Variants in TMEM185A observed in about 807,000 individuals in gnomAD.
TMEM185A encodes the protein transmembrane protein 185A.
Under a neutral mutation model 25.0 loss-of-function variants are expected in TMEM185A, and 9 were observed. That is an observed-to-expected ratio of 0.36 (90% CI 0.22 to 0.63). TMEM185A has a LOEUF of 0.63. Ranked by LOEUF, TMEM185A falls within the 20% of genes least tolerant of loss-of-function variation. The probability of loss-of-function intolerance (pLI) is 0.68; values close to 1 mark genes in which losing one functional copy is unlikely to be tolerated. For missense variants in TMEM185A, 103 were observed against 237.4 expected, an observed-to-expected ratio of 0.43 and a Z score of 3.72; for synonymous variants, 45 against 93.5, an observed-to-expected ratio of 0.48 and a Z score of 2.99.
intron 1 of TMEM185A, among the ~76,000 whole-genome samples, chrX:149,627,704 C>T (rs1306225870): frequency 4.5e-5 from 5 of 112,042 alleles, no homozygotes; most frequent in Non-Finnish European, 7.5e-5. Flanking sequence ...CACTGTAATG[C>T]CTCATACTCT....
At chrX:149,621,231 T>C (rs1602880028) in intron 1 of TMEM185A, among the ~76,000 whole-genome samples, 1 of 105,386 alleles carries the variant, frequency 9.5e-6, no homozygotes, top group Non-Finnish European at 1.9e-5. Context: ...TGGGGGGGGG[T>C]GGTAAATGCT....
At chrX:149,631,145 G>C (rs1042950275) in intron 1 of TMEM185A, among the ~76,000 whole-genome samples, 1 of 110,522 alleles carries the variant, frequency 9.0e-6, no homozygotes, top group Non-Finnish European at 1.9e-5. Flanking sequence ...GGTGGGGGTA[G>C]GGGTGTTGGG....
At chrX:149,629,725 G>A (rs2090181728) in intron 1 of TMEM185A, among the ~76,000 whole-genome samples, 2 of 111,602 alleles carry the variant, frequency 1.8e-5, no homozygotes, top group South Asian at 7.5e-4. Context: ...ATTTTTTTGG[G>A]GGGAAAAGGG....
chrX:149,627,846 T>C (rs1557356207), intron 1 of TMEM185A, among the ~76,000 whole-genome samples: 1 of 112,501 alleles, frequency 8.9e-6, no homozygotes, highest in African/African-American at 3.2e-5. Flanking sequence ...AATCTAGATG[T>C]TTGAGGAATC....
chrX:149,622,686 C>T (rs949943909), intron 1 of TMEM185A, among the ~76,000 whole-genome samples: 3 of 111,153 alleles, frequency 2.7e-5, no homozygotes, highest in Admixed American at 1.9e-4. Flanking sequence ...AGCAACAATG[C>T]GTTCGCTCAA....
chrX:149,618,213 CTT>C (rs2090120530), intron 1 of TMEM185A, among the ~76,000 whole-genome samples: 1 of 111,595 alleles, frequency 9.0e-6, no homozygotes, highest in South Asian at 3.8e-4. Context: ...TAAGGATAGT[CTT>C]TATACTCTTT....
At chrX:149,628,675 G>A (rs1264328795) in intron 1 of TMEM185A, among the ~76,000 whole-genome samples, 1 of 111,758 alleles carries the variant, frequency 8.9e-6, no homozygotes, top group African/African-American at 3.3e-5. Flanking sequence ...CATGCCTTGG[G>A]ACCCACCAAA....
intron 1 of TMEM185A, among the ~76,000 whole-genome samples, chrX:149,626,108 T>C (rs1557355990): frequency 1.8e-5 from 2 of 112,593 alleles, no homozygotes; most frequent in South Asian, 7.4e-4. Flanking sequence ...ATAAGGCTGA[T>C]ACCTAATTTT....
At chrX:149,627,530 G>A (rs1034918260) in intron 1 of TMEM185A, among the ~76,000 whole-genome samples, 6 of 111,843 alleles carry the variant, frequency 5.4e-5, no homozygotes, top group Non-Finnish European at 1.1e-4. Context: ...CCTACTCTCT[G>A]GTCTGATGAC....
intron 2 of TMEM185A, 106 bp from the exon 3 acceptor site, chrX:149,608,940 G>T (rs1212507639): frequency 2.7e-6 from 2 of 744,936 alleles, no homozygotes; most frequent in African/African-American, 2.2e-5. Flanking sequence ...AATTTTACTT[G>T]AAAATTTGAC....
chrX:149,607,588 T>C (rs192004479), intron 3 of TMEM185A, among the ~76,000 whole-genome samples: 200 of 113,052 alleles, frequency 1.8e-3, no homozygotes, highest in Non-Finnish European at 3.1e-3. Context: ...ATTACTTTCA[T>C]TACTATTATT....
intron 4 of TMEM185A, among the ~76,000 whole-genome samples, chrX:149,603,054 C>A (rs1402929094): frequency 1.4e-4 from 16 of 111,927 alleles, no homozygotes; most frequent in African/African-American, 5.2e-4. Context: ...ACTAGCATGA[C>A]CTTACCTCCC....
chrX:149,619,332 T>C (rs782194806), intron 1 of TMEM185A, among the ~76,000 whole-genome samples: 49 of 111,965 alleles, frequency 4.4e-4, no homozygotes, highest in African/African-American at 1.6e-3. Flanking sequence ...AAGCTCATGG[T>C]AGCAGATACA....
intron 1 of TMEM185A, among the ~76,000 whole-genome samples, chrX:149,624,061 T>C (rs1015245607): frequency 1.8e-5 from 2 of 112,799 alleles, no homozygotes; most frequent in Non-Finnish European, 3.8e-5. Flanking sequence ...TCAAGAAACA[T>C]TCAGACCAGA....
intron 1 of TMEM185A, among the ~76,000 whole-genome samples, chrX:149,626,706 T>C (rs1557356053): frequency 4.5e-5 from 5 of 112,316 alleles, no homozygotes; most frequent in Non-Finnish European, 7.5e-5. Context: ...TGATCATTAT[T>C]TTTACTATCT....
chrX:149,620,909 T>C lies in TMEM185A; in HGVS notation c.39-9446A>G, dbSNP rs140117532. 1.4e-3 allele frequency among the ~76,000 whole-genome samples: 154 copies of C among 112,153 alleles called. 1 individual carries two copies. In the Middle Eastern group the frequency reaches 0.014, roughly 10 times the overall value. ...TGTGTCAAGGTGATTCACAAGTTAA[T>C]AGAAATGGAGTTATCACCACAATTA... On this transcript the variant is annotated intron_variant, in intron 1 of 6. Transcript: ENST00000600449.
intron 1 of TMEM185A, among the ~76,000 whole-genome samples, chrX:149,626,106 G>A (rs1003511569): frequency 8.9e-6 from 1 of 112,419 alleles, no homozygotes; most frequent in Non-Finnish European, 1.9e-5. Context: ...AAATAAGGCT[G>A]ATACCTAATT....
At position 149,607,479 on chromosome X, in the gene TMEM185A, G is replaced by A. The variant is rs1003242364; in HGVS notation, c.423+1148C>T. On this transcript the variant is annotated intron_variant, in intron 3 of 6. Transcript: ENST00000600449. Reference sequence around the variant, plus strand: ...ATGAACAAATGACTTATCTTCTCTGGACCTACCTCACAGAGTTAGTTAGTA... The same window carrying A: ...ATGAACAAATGACTTATCTTCTCTGAACCTACCTCACAGAGTTAGTTAGTA... 8.9e-5 allele frequency among the ~76,000 whole-genome samples: 10 copies of A among 112,693 alleles called. 1 individual carries two copies. The highest frequency in any genetic ancestry group is 3.2e-4 in the African/African-American group (10 of 30,977).
chrX:149,605,869 C>T (rs2090048664), intron 3 of TMEM185A, among the ~76,000 whole-genome samples: 1 of 111,659 alleles, frequency 9.0e-6, no homozygotes, highest in African/African-American at 3.3e-5. Context: ...TTCTTGCCCA[C>T]AAAATTGAAA....
Sources: gnomAD v4.1 joint callset for allele counts (sites outside exome capture counted in the v4.1 genomes callset) on GRCh38, gnomAD v4.1.1 for gene constraint, MANE v1.5 for transcripts, NCBI Gene and HGNC (gene_info 2026-07-23, HGNC 2026-07-21) for gene names.